The following TMEM223 variants were observed in gnomAD, a reference collection of about 807,000 sequenced individuals.
TMEM223 encodes the protein transmembrane protein 223.
In TMEM223, 14 loss-of-function variants were observed where a neutral mutation model predicts 14.1. The observed-to-expected ratio is 0.99, with a 90% CI of 0.66 to 1.55. The LOEUF (loss-of-function observed/expected upper bound fraction) is 1.55, where lower values mean the gene tolerates loss of function less well. Ranked by LOEUF, TMEM223 falls within the 40% of genes most tolerant of loss-of-function variation. The pLI is 0.00. For synonymous variants in TMEM223, 145 were observed against 120.5 expected, an observed-to-expected ratio of 1.20 and a Z score of -1.33; for missense variants, 346 against 269.9, an observed-to-expected ratio of 1.28 and a Z score of -1.97.
chr11:62,786,090 T>A (rs761571553), downstream of TMEM223: 232 of 757,536 alleles, frequency 3.1e-4, no homozygotes, highest in Non-Finnish European at 4.7e-4. Context: ...CTAGCTTAGG[T>A]ATACAGTAGG....
At chr11:62,771,369 T>A (rs1300064486), downstream of TMEM223, 1 of 152,918 alleles carries the variant, frequency 6.5e-6, no homozygotes, top group Non-Finnish European at 1.5e-5. Context: ...CTGGCTGTAT[T>A]GGGGAGGGCG....
At chr11:62,787,166 C>T (rs780874776), downstream of TMEM223, 3 of 1,581,784 alleles carry the variant, frequency 1.9e-6, no homozygotes, top group Non-Finnish European at 2.6e-6. Flanking sequence ...CTTTTCCAGA[C>T]TGCCTTCCCC....
At chr11:62,773,473 G>A (rs1316495912) in intron 2 of TMEM223, among the ~76,000 whole-genome samples, 1 of 142,960 alleles carries the variant, frequency 7.0e-6, no homozygotes, top group African/African-American at 2.6e-5. Flanking sequence ...TTGAGACGGA[G>A]TTTTCCCCTT....
intron 1 of TMEM223, chr11:62,782,155 C>T (rs1478597463): frequency 6.2e-7 from 1 of 1,613,450 alleles, no homozygotes. Context: ...GCACCGGCTG[C>T]TGCAGGTGGC....
At chr11:62,787,684 T>G, downstream of TMEM223, 1 of 988,648 alleles carries the variant, frequency 1.0e-6, no homozygotes, top group African/African-American at 1.6e-5. Context: ...GCAGCGAGGC[T>G]AATCGCGCTT....
At chr11:62,778,484 A>G (rs2084203588) in intron 1 of TMEM223, 3 of 922,296 alleles carry the variant, frequency 3.3e-6, no homozygotes, top group Middle Eastern at 2.1e-4. Flanking sequence ...TGGGCTCTGC[A>G]TGGAGGGCTC....
At chr11:62,786,867 C>T (rs1298679533), downstream of TMEM223, 30 of 1,588,476 alleles carry the variant, frequency 1.9e-5, no homozygotes, top group African/African-American at 4.0e-5. Flanking sequence ...CAGCCCCGGA[C>T]TCGGTGCGGA....
Position 62,790,829 on chromosome 11 carries a change from G to A in TMEM223, c.403C>T (p.Leu135Phe), listed in dbSNP as rs777830564. The change falls in exon 2 of 2, where the codon CTC becomes TTC. Residue 135 changes from leucine to phenylalanine, a missense_variant. By Grantham distance (22) the Leu-to-Phe change is conservative (BLOSUM62 0). Coordinates refer to ENST00000307366, the MANE Select transcript of TMEM223 (RefSeq NM_001080501.3). Reference protein sequence around the residue: ...VLRAGGQQVTLTTHAPFGLGA... With the variant: ...VLRAGGQQVTFTTHAPFGLGA... ...AAGCCAAAGGGGGCATGAGTGGTGA[G>A]GGTCACCTGCTGCCCTCCAGCTCGA... The A allele has an allele frequency of 4.4e-6, 7 of 1,605,014 alleles. No individual in the cohort carries two copies. The African/African-American group carries it at 8.0e-5, about 18-fold the overall frequency.
At chr11:62,787,546 G>T (rs1449511237), downstream of TMEM223, 1 of 1,539,762 alleles carries the variant, frequency 6.5e-7, no homozygotes, top group Admixed American at 1.9e-5. Flanking sequence ...GCGGGGCGGG[G>T]TCAGGTAGGC....
At chr11:62,771,757 G>A (rs1185999386) in exon 3 of TMEM223, 2 of 219,002 alleles carry the variant, frequency 9.1e-6, no homozygotes, top group East Asian at 1.3e-4. Flanking sequence ...CTGAGGATGC[G>A]GAGGAGAGGA....
intron 1 of TMEM223, among the ~76,000 whole-genome samples, chr11:62,780,415 G>A (rs900532094): frequency 6.6e-6 from 1 of 152,034 alleles, no homozygotes; most frequent in Admixed American, 6.6e-5. Context: ...GGAGGCTGAC[G>A]CAGGAGAATC....
downstream of TMEM223, among the ~76,000 whole-genome samples, chr11:62,788,706 T>G (rs1037125749): frequency 6.8e-6 from 1 of 148,088 alleles, no homozygotes; most frequent in Non-Finnish European, 1.5e-5. Flanking sequence ...ACCTCACAGA[T>G]AGTTATTTGT....
chr11:62,791,935 G>A lies in TMEM223; in HGVS notation c.60C>T (p.Leu20=), dbSNP rs767105224. Reference sequence around the variant, plus strand: ...TCGTGCCTTGCAGGGGCCGGCAGGTGAGCAGGGGCCGCAGCACGGCTAGCA... The same window carrying A: ...TCGTGCCTTGCAGGGGCCGGCAGGTAAGCAGGGGCCGCAGCACGGCTAGCA... ...TGLLAVLRPL[L]TCRPLQGTTL... is the part of the protein sequence containing the mutation. The change falls in exon 1 of 2, where the codon CTC becomes CTT. Residue 20 remains leucine (L), a synonymous_variant. Transcript: ENST00000307366. 6.3e-7 allele frequency: 1 copy of A among 1,595,292 alleles called. No homozygotes were observed. The highest frequency in any genetic ancestry group is 8.5e-7 in the Non-Finnish European group (1 of 1,171,276).
rs750604643 is a variant in TMEM223, at chr11:62,791,797, G to C, written c.198C>G (p.Ala66=). 1.4e-5 allele frequency: 22 copies of C among 1,574,468 alleles called. No individual in the cohort carries two copies. The Admixed American group carries it at 4.1e-4, about 29-fold the overall frequency. The change falls in exon 1 of 2, where the codon GCC becomes GCG. Residue 66 remains alanine, a synonymous_variant. Transcript: ENST00000307366. ...GCACCGGAACCGGGGGCCGGGACAC[G>C]GCTGCCACAGCCATGGAAGCCCAGA... ...GVFWASMAVA[A]VSRPPVPVQP... is the part of the protein sequence containing the mutation.
downstream of TMEM223, chr11:62,782,559 C>A: frequency 7.5e-7 from 1 of 1,329,240 alleles, no homozygotes; most frequent in Non-Finnish European, 1.0e-6. Context: ...GCCAGTCACC[C>A]CTGGCAGCCT....
At chr11:62,772,234 A>G in intron 2 of TMEM223, 2 of 424,620 alleles carry the variant, frequency 4.7e-6, no homozygotes, top group South Asian at 1.7e-5. Flanking sequence ...GTACAGTGCT[A>G]TTCGTGGCCG....
chr11:62,780,266 C>G (rs912519160), intron 1 of TMEM223, among the ~76,000 whole-genome samples: 1 of 147,400 alleles, frequency 6.8e-6, no homozygotes, highest in Non-Finnish European at 1.5e-5. Flanking sequence ...TGCTGTGAGT[C>G]AAGATCACAC....
chr11:62,787,217 A>C (rs780638356), downstream of TMEM223: 10 of 1,587,500 alleles, frequency 6.3e-6, no homozygotes, highest in Non-Finnish European at 8.5e-6. Context: ...TACGTGCAGA[A>C]ACTGCCCATG....
At position 62,782,029 on chromosome 11, in the gene TMEM223, T is replaced by C; in HGVS notation, c.315-7364A>G. 6 of 1,602,242 alleles carry C rather than the reference T, an allele frequency of 3.7e-6. No homozygotes were observed. In the East Asian group the frequency reaches 1.3e-4, roughly 36 times the overall value. On this transcript the variant is annotated intron_variant, in intron 1 of 2. Transcript: ENST00000528367. ...TAAGGAAGAGATGACCCAGCAGGTG[T>C]AGGGCTCATGGCAAGTGCTGTCAGA...
Sources: allele counts gnomAD v4.1 joint callset (sites outside exome capture counted in the v4.1 genomes callset), GRCh38; gene constraint gnomAD v4.1.1; transcripts MANE v1.5; gene names NCBI Gene and HGNC (gene_info 2026-07-23, HGNC 2026-07-21).